The following MTMR7 variants were observed in gnomAD, a reference collection of about 807,000 sequenced individuals.
The protein encoded by MTMR7 is myotubularin related protein 7.
A neutral mutation model predicts 81.2 loss-of-function variants in MTMR7; 76 were observed. That is an observed-to-expected ratio of 0.94 (90% CI 0.78 to 1.13). The LOEUF is 1.13. Among genes scored for constraint, MTMR7 ranks in the 50% most tolerant of loss-of-function variants. MTMR7 has a pLI of 0.00. For missense variants in MTMR7, 1,044 were observed against 820.0 expected (o/e 1.27, Z -3.34); for synonymous variants, 372 against 289.8 (o/e 1.28, Z -2.88).
chr8:17,361,007 G>A, intron 4 of MTMR7, 110 bp downstream of exon 4: 2 of 1,195,516 alleles, frequency 1.7e-6, no homozygotes, highest in Non-Finnish European at 2.4e-6. Context: ...ATCCACATAT[G>A]GATATCTACA....
At chr8:17,362,334 GCT>G (rs1820085191) in intron 3 of MTMR7, among the ~76,000 whole-genome samples, 1 of 152,190 alleles carries the variant, frequency 6.6e-6, no homozygotes, top group South Asian at 2.1e-4. Flanking sequence ...GCGCTGAACA[GCT>G]ATCTGTGGCC....
intron 5 of MTMR7, among the ~76,000 whole-genome samples, chr8:17,346,559 A>G (rs1819556494): frequency 6.6e-6 from 1 of 152,100 alleles, no homozygotes; most frequent in African/African-American, 2.4e-5. Flanking sequence ...GCTGCCTCTG[A>G]GGTCTAACTG....
intron 7 of MTMR7, among the ~76,000 whole-genome samples, chr8:17,327,010 G>C (rs58216794): frequency 6.6e-6 from 1 of 152,172 alleles, no homozygotes; most frequent in Admixed American, 6.6e-5. Flanking sequence ...TGCTCTCCTA[G>C]TCTTTCTTCA....
intron 6 of MTMR7, among the ~76,000 whole-genome samples, chr8:17,340,205 C>T (rs141632125): frequency 8.5e-5 from 13 of 152,134 alleles, no homozygotes; most frequent in African/African-American, 2.4e-4. Context: ...CACCTGCCTT[C>T]GCCTCCCAAA....
chr8:17,363,322 C>A (rs1339579943), intron 3 of MTMR7, among the ~76,000 whole-genome samples: 1 of 152,194 alleles, frequency 6.6e-6, no homozygotes, highest in Non-Finnish European at 1.5e-5. Context: ...GAGAAAGCCT[C>A]AGTTCCCTGA....
In MTMR7 at chr8:17,304,646, G is replaced by A; in HGVS notation, c.1353-127C>T. 3 of 907,158 alleles carry A rather than the reference G, an allele frequency of 3.3e-6. No homozygotes were observed. In the South Asian group the frequency reaches 5.1e-5, roughly 15 times the overall value. The allele number at this position is 907,158 out of a possible 1,614,324, so 56.2% of individuals were successfully genotyped here. On this transcript the variant is annotated intron_variant, in intron 11 of 13. Transcript: ENST00000180173. ...AAACCACGTGTCTGTTCGATAGCAGGTAAATGTATCATCTTGGTGACTTCA... is the reference window on the plus strand; with the variant it reads ...AAACCACGTGTCTGTTCGATAGCAGATAAATGTATCATCTTGGTGACTTCA...
intron 3 of MTMR7, among the ~76,000 whole-genome samples, chr8:17,364,037 T>A (rs1214008094): frequency 1.4e-5 from 2 of 138,926 alleles, no homozygotes; most frequent in Non-Finnish European, 3.1e-5. Flanking sequence ...TTTTTTTTTT[T>A]TTTTTTTTTT....
intron 4 of MTMR7, among the ~76,000 whole-genome samples, chr8:17,354,698 G>A (rs1819832464): frequency 6.6e-6 from 1 of 152,130 alleles, no homozygotes; most frequent in Non-Finnish European, 1.5e-5. Context: ...GAAGAAATAA[G>A]ATAAGTTGTC....
chr8:17,300,110 G>A lies in MTMR7; in HGVS notation c.1735C>T (p.Pro579Ser). Residue 579 changes from proline to serine, a missense_variant, in exon 14 of 14, where the codon CCC becomes TCC. Pro to Ser is a moderately conservative substitution (Grantham distance 74). Transcript: ENST00000180173. ...TTCATATTCCCACTGTAATCCTGGGGAGTGTTGGCTATGCTGTTGTCTGAG... is the reference window on the plus strand; with the variant it reads ...TTCATATTCCCACTGTAATCCTGGGAAGTGTTGGCTATGCTGTTGTCTGAG... ...STSDNSIANT[P>S]QDYSGNMKSF... 6.2e-7 allele frequency: 1 copy of A among 1,614,140 alleles called. No individual in the cohort carries two copies. Among genetic ancestry groups the A allele is most frequent in the African/African-American group, 1.3e-5 (1 of 75,026 alleles).
At chr8:17,365,768 C>G (rs968077366) in intron 3 of MTMR7, among the ~76,000 whole-genome samples, 1 of 152,188 alleles carries the variant, frequency 6.6e-6, no homozygotes, top group African/African-American at 2.4e-5. Flanking sequence ...CATATATTAT[C>G]TAATTAAATC....
At chr8:17,331,096 T>G in intron 7 of MTMR7, 54 bp downstream of exon 7, 1 of 1,566,554 alleles carries the variant, frequency 6.4e-7, no homozygotes, top group South Asian at 1.2e-5. Context: ...TATTCCCTTT[T>G]GGCATCAAAA....
rs1821057254 is a variant in MTMR7, at chr8:17,390,071, G to GT, written c.25-16832dup. 6.9e-5 allele frequency among the ~76,000 whole-genome samples: 3 copies of GT among 43,780 alleles called. No homozygotes were observed. The East Asian group carries it at 3.1e-3, about 46-fold the overall frequency. 28.7% of individuals were successfully genotyped at this position (43,780 alleles called of 152,430 possible). On this transcript the variant is annotated intron_variant, in intron 1 of 13. Transcript: ENST00000180173. ...GGGAAAGCATGGAAACAGGGAATAT[G>GT]TTAAAAAAAAAAAAAAAGAAATCCC...
intron 1 of MTMR7, among the ~76,000 whole-genome samples, chr8:17,379,377 G>T (rs1820692245): frequency 6.6e-6 from 1 of 152,216 alleles, no homozygotes; most frequent in African/African-American, 2.4e-5. Flanking sequence ...AGCCACGTTA[G>T]CTTTTCAGAA....
chr8:17,373,355 C>T (rs902543459), intron 1 of MTMR7, 115 bp from the exon 2 acceptor site: 2 of 1,306,554 alleles, frequency 1.5e-6, no homozygotes, highest in Non-Finnish European at 2.0e-6. Context: ...TTGAGAATTC[C>T]CCCAATAATA....
chr8:17,361,243 G>A lies in MTMR7; in HGVS notation c.342C>T (p.Phe114=), dbSNP rs775518146. Residue 114 remains phenylalanine, a synonymous_variant, in exon 4 of 14, where the codon TTC becomes TTT. Coordinates refer to ENST00000180173, the MANE Select transcript of MTMR7 (RefSeq NM_004686.5). ...TTTCTTCTTTATCCAGCATGGGGTT[G>A]AATGAAAAGCAGTATAACTCCTCAT... ...VKYEELYCFS[F]NPMLDKEERE... is the part of the protein sequence containing the mutation. The A allele has an allele frequency of 6.2e-7, 1 of 1,614,160 alleles. No homozygotes were observed. Among genetic ancestry groups the A allele is most frequent in the Admixed American group, 1.7e-5 (1 of 60,014 alleles).
intron 5 of MTMR7, 62 bp from the exon 6 acceptor site, chr8:17,341,559 T>G: frequency 6.4e-7 from 1 of 1,567,668 alleles, no homozygotes; most frequent in Non-Finnish European, 8.7e-7. Flanking sequence ...AGAGACACTC[T>G]ACGTGTGTCT....
At chr8:17,309,478 T>C (rs182951775) in intron 9 of MTMR7, 152 bp from the exon 10 acceptor site, 9 of 653,128 alleles carry the variant, frequency 1.4e-5, no homozygotes, top group East Asian at 2.7e-5. Flanking sequence ...TCCACCCATA[T>C]AGAGATGCAC....
Position 17,309,368 on chromosome 8 carries a change from G to A in MTMR7, c.1102-42C>T, listed in dbSNP as rs149879808. 1,588 of 1,310,900 alleles carry A rather than the reference G, an allele frequency of 1.2e-3. 15 individuals are homozygous for A. In the African/African-American group the frequency reaches 0.02, roughly 16 times the overall value. The allele number at this position is 1,310,900 out of a possible 1,614,324, so 81.2% of individuals were successfully genotyped here. ...ACAAATATCTTGGAGAGAAGCAAAC[G>A]AAAAATAAGAGACCACACAACCAAT... is the stretch of plus-strand genomic sequence containing the variant. On this transcript the variant is annotated intron_variant, in intron 9 of 13. Transcript: ENST00000180173.
At chr8:17,374,229 T>G (rs1820503044) in intron 1 of MTMR7, among the ~76,000 whole-genome samples, 1 of 152,232 alleles carries the variant, frequency 6.6e-6, no homozygotes, top group Non-Finnish European at 1.5e-5. Flanking sequence ...CTCACATCTG[T>G]AATCCCAGCA....
Sources: gnomAD v4.1 joint callset for allele counts (sites outside exome capture counted in the v4.1 genomes callset) on GRCh38, gnomAD v4.1.1 for gene constraint, MANE v1.5 for transcripts, NCBI Gene and HGNC (gene_info 2026-07-23, HGNC 2026-07-21) for gene names.